Variants in SRGAP1 observed in about 807,000 individuals in gnomAD.
The protein encoded by SRGAP1 is SLIT-ROBO Rho GTPase-activating protein 1.
SRGAP1 carries 43 observed loss-of-function variants against 121.9 expected under a neutral mutation model. The observed-to-expected ratio is 0.35, with a 90% CI of 0.28 to 0.46. The LOEUF (loss-of-function observed/expected upper bound fraction) is 0.46. Ranked by LOEUF, SRGAP1 falls within the 20% of genes least tolerant of loss-of-function variation. The pLI, the probability that SRGAP1 is intolerant of heterozygous loss-of-function variation, is 1.00. For missense variants in SRGAP1, 1,102 were observed against 1,350.9 expected (o/e 0.82, Z 2.89); for synonymous variants, 447 against 485.4 (o/e 0.92, Z 1.04).
chr12:63,955,492 A>C (rs1188941152), intron 1 of SRGAP1, among the ~76,000 whole-genome samples: 1 of 152,170 alleles, frequency 6.6e-6, no homozygotes, highest in Non-Finnish European at 1.5e-5. Context: ...AGTTAGACTT[A>C]ACTCCTCATG....
In SRGAP1 at chr12:63,891,578, G is replaced by A. The variant is rs533766855; in HGVS notation, c.67+46695G>A. The stretch of plus-strand genomic sequence containing the variant: ...AAATCCCTTCACATACTGCTAGCAT[G>A]GAGGGCATGCTTTGTTGAGCTGATG... On this transcript the variant is annotated intron_variant, in intron 1 of 21. Transcript: ENST00000355086. Among the ~76,000 whole-genome samples the A allele has an allele frequency of 3.3e-5, 5 of 152,302 alleles. No homozygotes were observed. In the South Asian group the frequency reaches 1.0e-3, roughly 32 times the overall value.
chr12:64,043,362 T>C, intron 5 of SRGAP1, 85 bp from the exon 6 acceptor site: 1 of 1,320,610 alleles, frequency 7.6e-7, no homozygotes, highest in East Asian at 2.4e-5. Flanking sequence ...ATTGTTAAGG[T>C]TAATAAAAAT....
chr12:63,995,941 G>C (rs1270182744), intron 3 of SRGAP1, among the ~76,000 whole-genome samples: 1 of 151,002 alleles, frequency 6.6e-6, no homozygotes, highest in African/African-American at 2.4e-5. Context: ...ATTTAAAATA[G>C]GTTAATATTC....
intron 1 of SRGAP1, among the ~76,000 whole-genome samples, chr12:63,950,870 G>T (rs1186359544): frequency 1.3e-5 from 2 of 151,946 alleles, no homozygotes; most frequent in Non-Finnish European, 2.9e-5. Context: ...TGTGTGTCCT[G>T]TCCTGAGTCC....
intron 1 of SRGAP1, among the ~76,000 whole-genome samples, chr12:63,980,307 G>A (rs1242845217): frequency 6.6e-6 from 1 of 152,112 alleles, no homozygotes; most frequent in Non-Finnish European, 1.5e-5. Context: ...ACCTGCCTTG[G>A]CCTCCCAAAG....
chr12:64,127,688 C>A lies in SRGAP1; in HGVS notation c.2504C>A (p.Ser835Tyr). The stretch of plus-strand genomic sequence containing the variant: ...AAGTCCTCATCCAAGGACATGAACT[C>A]CCCGACAGACCGTCATCCTGACGGC... ...EDKSSSKDMN[S>Y]PTDRHPDGYL... The change falls in exon 20 of 22, where the codon TCC (serine) becomes TAC (tyrosine). Residue 835 changes from serine to tyrosine, a missense_variant. Ser to Tyr is a moderately radical substitution (Grantham distance 144). Transcript: ENST00000355086. 1 of 1,614,136 alleles carries A rather than the reference C, an allele frequency of 6.2e-7. No individual in the cohort carries two copies. Among genetic ancestry groups the A allele is most frequent in the Non-Finnish European group, 8.5e-7 (1 of 1,180,028 alleles).
intron 1 of SRGAP1, among the ~76,000 whole-genome samples, chr12:63,873,130 G>A (rs1393908128): frequency 1.3e-5 from 2 of 152,150 alleles, no homozygotes; most frequent in African/African-American, 4.8e-5. Flanking sequence ...TGGGCATAGA[G>A]TTTATGCCTG....
At chr12:64,126,289 G>A (rs542632249) in intron 19 of SRGAP1, 132 bp downstream of exon 19, 1 of 981,832 alleles carries the variant, frequency 1.0e-6, no homozygotes, top group African/African-American at 1.6e-5. Context: ...GCTAGGCACA[G>A]TTCCTTACCT....
chr12:64,116,283 TA>T (rs1265782568), intron 18 of SRGAP1, among the ~76,000 whole-genome samples: 5 of 144,060 alleles, frequency 3.5e-5, no homozygotes, highest in African/African-American at 1.3e-4. Context: ...AAAAGTAGAT[TA>T]AAAAAAATTC....
At chr12:63,953,936 G>GA (rs2032376787) in intron 1 of SRGAP1, among the ~76,000 whole-genome samples, 1 of 152,144 alleles carries the variant, frequency 6.6e-6, no homozygotes, top group African/African-American at 2.4e-5. Context: ...CCCAATATAT[G>GA]AAAATAAATT....
intron 17 of SRGAP1, among the ~76,000 whole-genome samples, chr12:64,113,388 A>T (rs546456574): frequency 6.6e-6 from 1 of 152,268 alleles, no homozygotes; most frequent in East Asian, 1.9e-4. Context: ...AGCCTGGGTG[A>T]CAGAGCAAGA....
Position 64,154,614 on chromosome 12 carries a change from G to A in SRGAP1, c.*11942G>A, listed in dbSNP as rs1247784549. The A allele has an allele frequency of 2.0e-5, 3 of 152,188 alleles. No homozygotes were observed. The highest frequency in any genetic ancestry group is 4.8e-5 in the African/African-American group (2 of 41,430). The allele number at this position is 152,188 out of a possible 1,614,324, so 9.4% of individuals were successfully genotyped here. On this transcript the variant is annotated 3_prime_UTR_variant, in exon 22 of 22. Coordinates refer to ENST00000355086, the MANE Select transcript of SRGAP1 (RefSeq NM_020762.4). The stretch of plus-strand genomic sequence containing the variant: ...TATATACTTAAAAAGAATGACTGGG[G>A]AAAGGAAGAAGTTGGCCAGGATGTA...
chr12:63,867,693 A>G (rs1457947934), intron 1 of SRGAP1, among the ~76,000 whole-genome samples: 1 of 152,170 alleles, frequency 6.6e-6, no homozygotes, highest in Non-Finnish European at 1.5e-5. Flanking sequence ...GTAAGGGCTC[A>G]ATAACAATGA....
chr12:64,004,092 G>A (rs1363786849), intron 3 of SRGAP1, among the ~76,000 whole-genome samples: 1 of 152,142 alleles, frequency 6.6e-6, no homozygotes, highest in African/African-American at 2.4e-5. Flanking sequence ...TCATCTGGGG[G>A]CAAAATTGTC....
intron 1 of SRGAP1, among the ~76,000 whole-genome samples, chr12:63,858,849 C>T (rs868787185): frequency 2.5e-4 from 38 of 152,110 alleles, no homozygotes; most frequent in African/African-American, 8.4e-4. Flanking sequence ...TTTACGGGTG[C>T]GTGCCACCAT....
At chr12:64,137,959 A>ATATATATATATATAT (rs1176572330) in intron 21 of SRGAP1, among the ~76,000 whole-genome samples, 1 of 133,650 alleles carries the variant, frequency 7.5e-6, no homozygotes, top group Admixed American at 7.5e-5. Flanking sequence ...GCTTAAAAAA[A>ATATATATATATATAT]AAATATATAT....
intron 11 of SRGAP1, 23 bp downstream of exon 11, chr12:64,087,049 CT>C: frequency 6.4e-7 from 1 of 1,554,896 alleles, no homozygotes; most frequent in Non-Finnish European, 8.8e-7. Context: ...TTTATCATAA[CT>C]TATAGCGTAT....
intron 18 of SRGAP1, among the ~76,000 whole-genome samples, chr12:64,120,805 C>T (rs2036594379): frequency 6.6e-6 from 1 of 152,140 alleles, no homozygotes; most frequent in Non-Finnish European, 1.5e-5. Context: ...GACTCATGTT[C>T]TAATGTTCTG....
chr12:64,079,028 A>G lies in SRGAP1; in HGVS notation c.1235A>G (p.Lys412Arg). The change falls in exon 9 of 22, where the codon AAG becomes AGG. Residue 412 changes from lysine (K) to arginine (R), a missense_variant. Around this residue, in one of 3 missense-constraint regions of SRGAP1, gnomAD observed 747 missense variants for 929.4 expected, o/e 0.80. Transcript: ENST00000355086. ...CACAGTCGTTCCACAGAATCAGTGA[A>G]GTCCACTGTCTCTGAAACCTACCTG... ...FQHSRSTESVKSTVSETYLSK... is the reference protein window; with the variant it reads ...FQHSRSTESVRSTVSETYLSK... 1 of 1,614,124 alleles carries G rather than the reference A, an allele frequency of 6.2e-7. No homozygotes were observed. Among genetic ancestry groups the G allele is most frequent in the Non-Finnish European group, 8.5e-7 (1 of 1,179,990 alleles).
Sources: allele counts gnomAD v4.1 joint callset (sites outside exome capture counted in the v4.1 genomes callset), GRCh38; gene constraint gnomAD v4.1.1; regional missense constraint gnomAD v4.1.1; transcripts MANE v1.5; gene names NCBI Gene and HGNC (gene_info 2026-07-23, HGNC 2026-07-21).